The following MARCHF1 variants were observed in gnomAD, a reference collection of about 807,000 sequenced individuals.
MARCHF1 encodes membrane associated ring-CH-type finger 1.
In MARCHF1, 40 loss-of-function variants were observed where a neutral mutation model predicts 54.2. The observed-to-expected ratio is 0.74, with a 90% confidence interval of 0.57 to 0.96. The LOEUF (loss-of-function observed/expected upper bound fraction) is 0.96. MARCHF1 is among the 40% of genes least tolerant of loss of function. The pLI is 0.00. For missense variants in MARCHF1, 586 were observed against 656.5 expected, an observed-to-expected ratio of 0.89 and a Z score of 1.17; for synonymous variants, 236 against 236.3, an observed-to-expected ratio of 1.00 and a Z score of 0.01.
chr4:163,650,315 A>C (rs1449042852), intron 5 of MARCHF1, among the ~76,000 whole-genome samples: 1 of 152,020 alleles, frequency 6.6e-6, no homozygotes, highest in Non-Finnish European at 1.5e-5. Context: ...AAAGGTTAGA[A>C]GTAAATATTT....
intron 1 of MARCHF1, among the ~76,000 whole-genome samples, chr4:164,176,253 A>T (rs1730659849): frequency 6.6e-6 from 1 of 152,164 alleles, no homozygotes; most frequent in Admixed American, 6.5e-5. Context: ...CATGCAACAG[A>T]TGTAATCATT....
At chr4:164,236,615 G>C (rs930090019) in intron 1 of MARCHF1, among the ~76,000 whole-genome samples, 4 of 152,080 alleles carry the variant, frequency 2.6e-5, no homozygotes, top group African/African-American at 9.7e-5. Flanking sequence ...CCTAAGCTGG[G>C]AACATGTGCA....
intron 1 of MARCHF1, among the ~76,000 whole-genome samples, chr4:164,252,380 T>C (rs995160093): frequency 2.6e-5 from 4 of 151,610 alleles, no homozygotes; most frequent in African/African-American, 9.7e-5. Flanking sequence ...AAGAAAGAAA[T>C]CACTTGAGCT....
intron 4 of MARCHF1, among the ~76,000 whole-genome samples, chr4:163,815,486 C>T (rs1330130436): frequency 6.6e-6 from 1 of 152,010 alleles, no homozygotes; most frequent in South Asian, 2.1e-4. Flanking sequence ...TGAGTTTTAT[C>T]GGTGCTACTG....
At chr4:163,916,725 G>A (rs1751316023) in intron 3 of MARCHF1, among the ~76,000 whole-genome samples, 1 of 152,056 alleles carries the variant, frequency 6.6e-6, no homozygotes, top group African/African-American at 2.4e-5. Context: ...GCACAACTGA[G>A]CAGAAGATAC....
At chr4:163,543,998 C>G (rs752877357) in intron 9 of MARCHF1, among the ~76,000 whole-genome samples, 2 of 152,114 alleles carry the variant, frequency 1.3e-5, no homozygotes, top group Non-Finnish European at 2.9e-5. Context: ...GTCATCTAAT[C>G]TAAGGGTATC....
chr4:164,007,651 TG>T (rs1168897669), intron 2 of MARCHF1, among the ~76,000 whole-genome samples: 1 of 35,604 alleles, frequency 2.8e-5, no homozygotes, highest in Non-Finnish European at 5.8e-5. Context: ...TCTCTCTGTG[TG>T]TGTGTGTGTG....
intron 1 of MARCHF1, among the ~76,000 whole-genome samples, chr4:164,274,729 T>G (rs1442853109): frequency 7.8e-6 from 1 of 128,334 alleles, no homozygotes; most frequent in Non-Finnish European, 1.6e-5. Flanking sequence ...CAGGCTGGAG[T>G]GCAGCGGTGC....
chr4:163,581,751 C>CT (rs1740240905), intron 8 of MARCHF1, among the ~76,000 whole-genome samples: 1 of 152,150 alleles, frequency 6.6e-6, no homozygotes, highest in African/African-American at 2.4e-5. Flanking sequence ...GATGACTACT[C>CT]TTTTTCATTT....
At chr4:164,042,866 G>A (rs1457738849) in intron 2 of MARCHF1, among the ~76,000 whole-genome samples, 3 of 152,284 alleles carry the variant, frequency 2.0e-5, no homozygotes, top group Admixed American at 6.5e-5. Flanking sequence ...CAAAACAGAC[G>A]GCTACAGGTC....
At chr4:164,101,525 T>TAA (rs1560904726) in intron 2 of MARCHF1, among the ~76,000 whole-genome samples, 6 of 128,268 alleles carry the variant, frequency 4.7e-5, no homozygotes, top group Admixed American at 8.4e-5. Flanking sequence ...CATGGCAGGG[T>TAA]ACTCCAACAG....
chr4:164,196,378 G>A (rs190049986), intron 1 of MARCHF1, among the ~76,000 whole-genome samples: 23 of 152,086 alleles, frequency 1.5e-4, no homozygotes, highest in Admixed American at 9.8e-4. Flanking sequence ...TGAGATATTT[G>A]AAGCTTATAA....
chr4:163,983,160 G>A (rs1232878845), intron 3 of MARCHF1, among the ~76,000 whole-genome samples: 1 of 152,106 alleles, frequency 6.6e-6, no homozygotes, highest in Non-Finnish European at 1.5e-5. Flanking sequence ...AGACAAACAC[G>A]GCCTTTGTGT....
At chr4:164,219,877 T>A (rs563575868) in intron 1 of MARCHF1, among the ~76,000 whole-genome samples, 1 of 152,130 alleles carries the variant, frequency 6.6e-6, no homozygotes, top group Admixed American at 6.6e-5. Flanking sequence ...CATACATGTG[T>A]TTGATTTTGT....
intron 3 of MARCHF1, among the ~76,000 whole-genome samples, chr4:163,943,623 A>C (rs1170548410): frequency 6.6e-6 from 1 of 152,042 alleles, no homozygotes; most frequent in Non-Finnish European, 1.5e-5. Flanking sequence ...AGGATCAGGA[A>C]AAATAACTAA....
intron 4 of MARCHF1, among the ~76,000 whole-genome samples, chr4:163,790,958 T>C (rs1747759335): frequency 6.6e-6 from 1 of 152,140 alleles, no homozygotes; most frequent in Non-Finnish European, 1.5e-5. Flanking sequence ...GCACTTACCA[T>C]GTTTTCAGTT....
rs534013526 is a variant in MARCHF1 at position 163,919,880 on chromosome 4, A to G, written c.-38-65711T>C. ...TGGTCAACATTAGATCTACCATTCTACAAGAAAGTATAGGTCCTGCATCCT... is the reference window on the plus strand; with the variant it reads ...TGGTCAACATTAGATCTACCATTCTGCAAGAAAGTATAGGTCCTGCATCCT... On this transcript the variant is annotated intron_variant, in intron 3 of 9. Coordinates refer to ENST00000514618, the MANE Select transcript of MARCHF1 (RefSeq NM_001394959.1). Among the ~76,000 whole-genome samples the G allele has an allele frequency of 6.1e-4, 93 of 152,278 alleles. No individual in the cohort carries two copies. The Middle Eastern group carries it at 0.027, about 45-fold the overall frequency.
chr4:163,600,964 T>C (rs1015161108), intron 7 of MARCHF1, among the ~76,000 whole-genome samples: 1 of 152,204 alleles, frequency 6.6e-6, no homozygotes, highest in Admixed American at 6.5e-5. Context: ...CCTGGAGTCC[T>C]TGTATCTGAC....
chr4:163,886,304 CATAGATAGATAG>C (rs10560054), intron 3 of MARCHF1, among the ~76,000 whole-genome samples: 4,810 of 145,160 alleles, frequency 0.033, 197 homozygotes, highest in East Asian at 0.15. Context: ...TCTTAATAGA[CATAGATAGATAG>C]ATAGATAGAT....
Sources: allele counts gnomAD v4.1 joint callset (sites outside exome capture counted in the v4.1 genomes callset), GRCh38; gene constraint gnomAD v4.1.1; transcripts MANE v1.5; gene names NCBI Gene and HGNC (gene_info 2026-07-23, HGNC 2026-07-21).